HLCS: variants seen among roughly 807,000 people sequenced by gnomAD.
The protein encoded by HLCS is biotin--protein ligase.
In HLCS, 53 loss-of-function variants were observed where a neutral mutation model predicts 75.0. The observed-to-expected ratio is 0.71, with a 90% CI of 0.57 to 0.89. The LOEUF (loss-of-function observed/expected upper bound fraction) is 0.89, where lower values mean the gene tolerates loss of function less well. Among genes scored for constraint, HLCS ranks in the 40% least tolerant of loss-of-function variants. The probability of loss-of-function intolerance (pLI) is 0.00; values close to 1 mark genes in which losing one functional copy is unlikely to be tolerated. For missense variants in HLCS, 966 were observed against 1,074.0 expected, an observed-to-expected ratio of 0.90 and a Z score of 1.41; for synonymous variants, 431 against 428.6, an observed-to-expected ratio of 1.01 and a Z score of -0.07.
chr21:36,759,679 T>G, intron 9 of HLCS, 48 bp downstream of exon 9: 2 of 1,072,434 alleles, frequency 1.9e-6, no homozygotes, highest in Non-Finnish European at 2.9e-6. Context: ...TTTATTTTTA[T>G]TGTTTTATTA....
Position 36,966,444 on chromosome 21 carries a change from C to CCCCGGGGG in HLCS, c.194_195insCCCCCGGG (p.Gln65HisfsTer9). Reference sequence around the variant, plus strand: ...TCGCCCGCCCGCCCGACCCGCCCACCTGGCTGTCGCTGACGCAGAAGACGC... The same window carrying CCCCGGGGG: ...TCGCCCGCCCGCCCGACCCGCCCACCCCCGGGGGTGGCTGTCGCTGACGCAGAAGACGC... On this transcript the variant is annotated frameshift_variant and splice_region_variant, in exon 1 of 11. Transcript: ENST00000674895. LOFTEE classifies it high-confidence loss of function. 1.0e-6 allele frequency: 1 copy of CCCCGGGGG among 975,052 alleles called. No homozygotes were observed. The highest frequency in any genetic ancestry group is 1.2e-6 in the Non-Finnish European group (1 of 821,266). The allele number at this position is 975,052 out of a possible 1,614,324, so 60.4% of individuals were successfully genotyped here.
At chr21:36,849,937 C>T (rs2062931200) in intron 6 of HLCS, among the ~76,000 whole-genome samples, 1 of 152,198 alleles carries the variant, frequency 6.6e-6, no homozygotes, top group Non-Finnish European at 1.5e-5. Flanking sequence ...TATGAGAAAG[C>T]TCCTCTGCTT....
chr21:36,944,677 T>A (rs916206106), intron 2 of HLCS, among the ~76,000 whole-genome samples: 1 of 152,202 alleles, frequency 6.6e-6, no homozygotes, highest in South Asian at 2.1e-4. Flanking sequence ...AAGTGGACAG[T>A]TGGCTTATGT....
intron 6 of HLCS, among the ~76,000 whole-genome samples, chr21:36,806,762 G>A (rs888232909): frequency 1.3e-5 from 2 of 152,182 alleles, no homozygotes; most frequent in East Asian, 1.9e-4. Flanking sequence ...ACAAATGAAC[G>A]CAAAACTAAG....
chr21:36,883,972 G>A (rs2064341044), intron 6 of HLCS, among the ~76,000 whole-genome samples: 1 of 152,162 alleles, frequency 6.6e-6, no homozygotes, highest in Non-Finnish European at 1.5e-5. Flanking sequence ...CGGCACTGTG[G>A]GCATTTATTC....
chr21:36,878,335 A>C (rs549179473), intron 6 of HLCS, among the ~76,000 whole-genome samples: 3 of 152,294 alleles, frequency 2.0e-5, no homozygotes, highest in African/African-American at 4.8e-5. Flanking sequence ...ATAAAATTAC[A>C]TTCTCTGTGG....
chr21:36,756,163 G>A (rs1349437869), intron 10 of HLCS, among the ~76,000 whole-genome samples: 1 of 152,058 alleles, frequency 6.6e-6, no homozygotes, highest in South Asian at 2.1e-4. Context: ...CTACGGCCGG[G>A]CGCGGTGGCT....
chr21:36,812,760 T>C (rs896899768), intron 6 of HLCS, among the ~76,000 whole-genome samples: 1 of 152,090 alleles, frequency 6.6e-6, no homozygotes, highest in Non-Finnish European at 1.5e-5. Context: ...TTCCTCCTTT[T>C]AAAAAGAAAA....
chr21:36,911,728 G>C (rs1241098715), intron 5 of HLCS, among the ~76,000 whole-genome samples: 2 of 121,746 alleles, frequency 1.6e-5, no homozygotes, highest in African/African-American at 3.2e-5. Flanking sequence ...CAGCCTGGGC[G>C]ATAGAGCGAG....
intron 6 of HLCS, among the ~76,000 whole-genome samples, chr21:36,773,586 C>G (rs1249528012): frequency 6.6e-6 from 1 of 152,220 alleles, no homozygotes; most frequent in East Asian, 1.9e-4. Flanking sequence ...TGGCCTGACA[C>G]CAGTCTGTGC....
chr21:36,913,702 A>G (rs1158603794), intron 5 of HLCS, among the ~76,000 whole-genome samples: 1 of 152,182 alleles, frequency 6.6e-6, no homozygotes, highest in Non-Finnish European at 1.5e-5. Context: ...TGAAGGTTGC[A>G]GTGAGCCGAG....
chr21:36,984,299 T>G (rs1296581665), intron 1 of HLCS, among the ~76,000 whole-genome samples: 1 of 152,092 alleles, frequency 6.6e-6, no homozygotes, highest in East Asian at 1.9e-4. Flanking sequence ...TACTTACCTA[T>G]GACAAAGTTT....
chr21:36,813,161 G>C (rs2061560554), intron 6 of HLCS, among the ~76,000 whole-genome samples: 1 of 152,204 alleles, frequency 6.6e-6, no homozygotes. Flanking sequence ...GGATAATTTT[G>C]CTGTAACGAG....
intron 5 of HLCS, among the ~76,000 whole-genome samples, chr21:36,915,874 C>T (rs894346481): frequency 2.6e-5 from 4 of 151,784 alleles, no homozygotes; most frequent in African/African-American, 7.3e-5. Context: ...TGTGCACTGC[C>T]GGCCTGTCCC....
At chr21:36,771,833 A>G (rs555883404) in intron 6 of HLCS, among the ~76,000 whole-genome samples, 3 of 152,210 alleles carry the variant, frequency 2.0e-5, no homozygotes, top group African/African-American at 4.8e-5. Flanking sequence ...CCCCATCTCT[A>G]TTAAAAATAC....
chr21:36,891,705 G>C (rs1195068206), intron 6 of HLCS, among the ~76,000 whole-genome samples: 3 of 152,176 alleles, frequency 2.0e-5, no homozygotes, highest in Non-Finnish European at 4.4e-5. Flanking sequence ...GACACTCTCA[G>C]CAAGGTTCAA....
At chr21:36,960,755 G>C (rs371004414) in intron 2 of HLCS, among the ~76,000 whole-genome samples, 1 of 152,186 alleles carries the variant, frequency 6.6e-6, no homozygotes, top group Non-Finnish European at 1.5e-5. Context: ...GAACAATGGC[G>C]GGTGAGGACC....
chr21:36,922,065 C>T (rs1335280979), intron 5 of HLCS, among the ~76,000 whole-genome samples: 1 of 152,002 alleles, frequency 6.6e-6, no homozygotes, highest in Non-Finnish European at 1.5e-5. Context: ...TTTAAAAACT[C>T]AAATACCCTT....
At chr21:36,957,125 A>T (rs2068007176) in intron 2 of HLCS, among the ~76,000 whole-genome samples, 2 of 151,282 alleles carry the variant, frequency 1.3e-5, no homozygotes. Flanking sequence ...TCCAAATCTC[A>T]CGTTGAAATG....
Sources: allele counts gnomAD v4.1 joint callset (sites outside exome capture counted in the v4.1 genomes callset), GRCh38; gene constraint gnomAD v4.1.1; transcripts MANE v1.5; gene names NCBI Gene and HGNC (gene_info 2026-07-23, HGNC 2026-07-21).